MACROD2: variants seen among roughly 807,000 people sequenced by gnomAD.
MACROD2 encodes ADP-ribose glycohydrolase MACROD2.
A neutral mutation model predicts 70.4 loss-of-function variants in MACROD2; 36 were observed. That is an observed-to-expected ratio of 0.51 (90% CI 0.39 to 0.68). The LOEUF (loss-of-function observed/expected upper bound fraction) is 0.68, where lower values mean the gene tolerates loss of function less well. Ranked by LOEUF, MACROD2 falls within the 30% of genes least tolerant of loss-of-function variation. MACROD2 has a pLI of 0.00. For missense variants in MACROD2, 496 were observed against 538.4 expected (o/e 0.92, Z 0.78); for synonymous variants, 172 against 178.8 (o/e 0.96, Z 0.30).
intron 3 of MACROD2, among the ~76,000 whole-genome samples, chr20:14,209,660 C>T (rs6033902): frequency 6.6e-6 from 1 of 152,068 alleles, no homozygotes; most frequent in African/African-American, 2.4e-5. Flanking sequence ...ATAGGGAAGC[C>T]TACCATAATC....
intron 8 of MACROD2, among the ~76,000 whole-genome samples, chr20:15,843,253 A>G (rs898178875): frequency 6.6e-6 from 1 of 152,214 alleles, no homozygotes; most frequent in Non-Finnish European, 1.5e-5. Context: ...TGACTGGGTT[A>G]GAACAAGTTC....
intron 8 of MACROD2, among the ~76,000 whole-genome samples, chr20:15,806,572 G>A (rs2063771529): frequency 6.6e-6 from 1 of 152,022 alleles, no homozygotes; most frequent in Admixed American, 6.6e-5. Context: ...AACTGAGGAA[G>A]CATTTCACAG....
chr20:14,751,985 A>G (rs1256626631), intron 5 of MACROD2, among the ~76,000 whole-genome samples: 3 of 151,880 alleles, frequency 2.0e-5, no homozygotes, highest in Non-Finnish European at 4.4e-5. Context: ...TTCCATAATG[A>G]AACATTGTCT....
At chr20:15,324,486 A>G (rs1293587926) in intron 6 of MACROD2, among the ~76,000 whole-genome samples, 1 of 152,166 alleles carries the variant, frequency 6.6e-6, no homozygotes, top group Non-Finnish European at 1.5e-5. Flanking sequence ...AGCTTTCTCT[A>G]TATGTATCAT....
chr20:15,036,334 T>C (rs116097447), intron 5 of MACROD2, among the ~76,000 whole-genome samples: 1 of 152,192 alleles, frequency 6.6e-6, no homozygotes, highest in South Asian at 2.1e-4. Context: ...TGACCATCTA[T>C]GTCCCTTTTG....
chr20:14,353,422 A>G (rs2083143074), intron 3 of MACROD2, among the ~76,000 whole-genome samples: 1 of 152,038 alleles, frequency 6.6e-6, no homozygotes, highest in Non-Finnish European at 1.5e-5. Context: ...CCTACTCCAC[A>G]TGTGTGAGTT....
intron 15 of MACROD2, among the ~76,000 whole-genome samples, chr20:16,032,664 A>G (rs143601430): frequency 7.3e-5 from 11 of 149,790 alleles, no homozygotes; most frequent in African/African-American, 2.5e-4. Flanking sequence ...AAAAGGAAAG[A>G]GGGATGGATG....
At chr20:15,531,000 CTTT>C (rs10676355) in intron 8 of MACROD2, among the ~76,000 whole-genome samples, 1 of 134,606 alleles carries the variant, frequency 7.4e-6, no homozygotes, top group Non-Finnish European at 1.6e-5. Context: ...AATAACTTCG[CTTT>C]TTTTTTTTTT....
chr20:15,994,859 A>G (rs1009404062), intron 15 of MACROD2, among the ~76,000 whole-genome samples: 1 of 152,210 alleles, frequency 6.6e-6, no homozygotes, highest in Non-Finnish European at 1.5e-5. Flanking sequence ...TAATGCATAT[A>G]TGGGTATGAT....
chr20:16,045,182 A>C (rs965040318), intron 17 of MACROD2, among the ~76,000 whole-genome samples: 4 of 151,936 alleles, frequency 2.6e-5, no homozygotes, highest in East Asian at 3.9e-4. Context: ...GCTTCAGGGA[A>C]CTCCCAGGAA....
At chr20:15,530,284 T>A (rs6034213) in intron 8 of MACROD2, among the ~76,000 whole-genome samples, 19,004 of 152,128 alleles carry the variant, frequency 0.12, 1,335 homozygotes, top group East Asian at 0.29. Flanking sequence ...GATTAAGTGA[T>A]CCCTTTGCAA....
At chr20:14,218,355 T>A (rs556223487) in intron 3 of MACROD2, among the ~76,000 whole-genome samples, 10 of 152,342 alleles carry the variant, frequency 6.6e-5, no homozygotes, top group African/African-American at 2.4e-4. Flanking sequence ...TTGGTGTCCA[T>A]TTTCATGAAA....
chr20:14,430,088 C>A (rs933667768), intron 3 of MACROD2, among the ~76,000 whole-genome samples: 2 of 152,158 alleles, frequency 1.3e-5, no homozygotes, highest in African/African-American at 4.8e-5. Flanking sequence ...GGAGAAAGAA[C>A]AGCATGAATC....
chr20:15,097,838 A>G (rs1402168453), intron 5 of MACROD2, among the ~76,000 whole-genome samples: 1 of 152,228 alleles, frequency 6.6e-6, no homozygotes, highest in African/African-American at 2.4e-5. Flanking sequence ...AAGATCAATA[A>G]AAGGTAATCT....
chr20:15,913,721 A>G (rs1017824607), intron 10 of MACROD2, among the ~76,000 whole-genome samples: 4 of 152,238 alleles, frequency 2.6e-5, no homozygotes, highest in Non-Finnish European at 5.9e-5. Context: ...TATTTCTACT[A>G]TAAAATTTCA....
At chr20:15,888,716 T>C (rs1243803088) in intron 10 of MACROD2, among the ~76,000 whole-genome samples, 5 of 152,132 alleles carry the variant, frequency 3.3e-5, no homozygotes, top group African/African-American at 7.2e-5. Flanking sequence ...TCATATTCAA[T>C]GGCCCAAGGA....
At chr20:15,737,515 C>G (rs1033483964) in intron 8 of MACROD2, among the ~76,000 whole-genome samples, 3 of 152,122 alleles carry the variant, frequency 2.0e-5, no homozygotes, top group Non-Finnish European at 4.4e-5. Context: ...TCCCTCCCAT[C>G]ATGGAGCAGT....
chr20:14,794,469 A>G (rs1247789274), intron 5 of MACROD2, among the ~76,000 whole-genome samples: 1 of 152,156 alleles, frequency 6.6e-6, no homozygotes, highest in Non-Finnish European at 1.5e-5. Flanking sequence ...GACCATTACC[A>G]TTAGGAAATT....
chr20:14,594,460 T>G (rs2123386472), intron 4 of MACROD2, among the ~76,000 whole-genome samples: 1 of 152,330 alleles, frequency 6.6e-6, no homozygotes. Context: ...TTTTTAAAAT[T>G]TTCCCTATCT....
Sources: gnomAD v4.1 joint callset for allele counts (sites outside exome capture counted in the v4.1 genomes callset) on GRCh38, gnomAD v4.1.1 for gene constraint, MANE v1.5 for transcripts, NCBI Gene and HGNC (gene_info 2026-07-23, HGNC 2026-07-21) for gene names.